Variants in CTSV observed in about 807,000 individuals in gnomAD.
CTSV encodes the protein cathepsin L2.
A neutral mutation model predicts 35.6 loss-of-function variants in CTSV; 33 were observed. The observed-to-expected ratio is 0.93, with a 90% CI of 0.70 to 1.24. The LOEUF (loss-of-function observed/expected upper bound fraction) is 1.24, where lower values mean the gene tolerates loss of function less well. CTSV is among the 50% of genes most tolerant of loss of function. The pLI is 0.00. For synonymous variants in CTSV, 154 were observed against 147.1 expected (o/e 1.05, Z -0.34); for missense variants, 408 against 413.1 (o/e 0.99, Z 0.11).
Position 97,037,920 on chromosome 9 carries a change from C to T in CTSV, c.124G>A (p.Ala42Thr), listed in dbSNP as rs181074991. The T allele has an allele frequency of 4.1e-5, 66 of 1,613,948 alleles. 1 individual carries two copies. In the East Asian group the frequency reaches 1.1e-3, roughly 27 times the overall value. ...WKATHRRLYGANEEGWRRAVW... is the reference protein window; with the variant it reads ...WKATHRRLYGTNEEGWRRAVW... ...GGACAGTTTCAGATGTTACCAACCG[C>T]GCCATATAATCTTCTGTGTGTTGCC... Residue 42 changes from alanine to threonine, a missense_variant and splice_region_variant, in exon 2 of 8, where the codon GCG becomes ACG. Coordinates refer to ENST00000259470, the MANE Select transcript of CTSV (RefSeq NM_001333.4).
In CTSV at chr9:97,037,980, C is replaced by T; in HGVS notation, c.64G>A (p.Asp22Asn). The change falls in exon 2 of 8, where the codon GAC (aspartate) becomes AAC (asparagine). Residue 22 changes from aspartate (D) to asparagine (N), a missense_variant. By Grantham distance (23) the Asp-to-Asn change is conservative. Transcript: ENST00000259470. ...LGIASAVPKF[D>N]QNLDTKWYQW... ...TACCACTTTGTATCCAAATTTTGGT[C>T]AAATTTTGGAACAGCGGAGGCTATT... The T allele has an allele frequency of 1.9e-6, 3 of 1,613,974 alleles. No individual in the cohort carries two copies. The highest frequency in any genetic ancestry group is 2.5e-6 in the Non-Finnish European group (3 of 1,180,002).
At position 97,030,980 on chromosome 9, in the gene CTSV, A is replaced by G. The variant is rs892857560; in HGVS notation, c.*1969T>C. On this transcript the variant is annotated 3_prime_UTR_variant, in exon 8 of 8. Coordinates refer to ENST00000259470, the MANE Select transcript of CTSV (RefSeq NM_001333.4). ...GAAAAACGCTTTTAGACAACACATC[A>G]GGTTTGTAACTTTTCACAAGTTTAA... The G allele has an allele frequency of 6.6e-6, 1 of 152,232 alleles. No individual in the cohort carries two copies. The highest frequency in any genetic ancestry group is 1.5e-5 in the Non-Finnish European group (1 of 68,036). 9.4% of individuals were successfully genotyped at this position (152,232 alleles called of 1,614,324 possible). A position where few individuals can be genotyped will look rare whatever the true frequency, so the allele number is the denominator to read the frequency against.
chr9:97,031,749 G>C lies in CTSV; in HGVS notation c.*1200C>G, dbSNP rs1384540306. On this transcript the variant is annotated 3_prime_UTR_variant, in exon 8 of 8. Coordinates refer to ENST00000259470, the MANE Select transcript of CTSV (RefSeq NM_001333.4). The stretch of plus-strand genomic sequence containing the variant: ...GTGATCTCTTATCCATCTTCGGCCA[G>C]AGGCCTCTTTTTGTAGCCCAGCCTC... 6.6e-6 allele frequency: 1 copy of C among 152,230 alleles called. No homozygotes were observed. Among genetic ancestry groups the C allele is most frequent in the Non-Finnish European group, 1.5e-5 (1 of 68,050 alleles). 9.4% of individuals were successfully genotyped at this position (152,230 alleles called of 1,614,324 possible). A position where few individuals can be genotyped will look rare whatever the true frequency, so the allele number is the denominator to read the frequency against.
chr9:97,032,889 C>G lies in CTSV; in HGVS notation c.*60G>C. On this transcript the variant is annotated 3_prime_UTR_variant, in exon 8 of 8. Coordinates refer to ENST00000259470, the MANE Select transcript of CTSV (RefSeq NM_001333.4). ...TACACAATAAGCGTTTGGTCAGTTT[C>G]AAGATAAAATTTCCCCAGACATGCT... 8.2e-7 allele frequency: 1 copy of G among 1,224,854 alleles called. No individual in the cohort carries two copies. The highest frequency in any genetic ancestry group is 2.2e-5 in the Admixed American group (1 of 46,386). The allele number at this position is 1,224,854 out of a possible 1,614,324, so 75.9% of individuals were successfully genotyped here. A position where few individuals can be genotyped will look rare whatever the true frequency, so the allele number is the denominator to read the frequency against.
At chr9:97,036,832 T>TTA (rs1828860979) in intron 4 of CTSV, 85 bp from the exon 5 acceptor site, 2 of 892,790 alleles carry the variant, frequency 2.2e-6, no homozygotes, top group Non-Finnish European at 3.1e-6. Flanking sequence ...TAATATTCTT[T>TTA]AAAAAAAAAA....
In CTSV at chr9:97,032,586, T is replaced by G. The variant is rs2119226562; in HGVS notation, c.*363A>C. On this transcript the variant is annotated 3_prime_UTR_variant, in exon 8 of 8. Coordinates refer to ENST00000259470, the MANE Select transcript of CTSV (RefSeq NM_001333.4). ...CCTAACATACCATTGGCACATGAAGTTATTATTTCAGAGCTTAATTATATT... is the reference window on the plus strand; with the variant it reads ...CCTAACATACCATTGGCACATGAAGGTATTATTTCAGAGCTTAATTATATT... 5.9e-6 allele frequency: 1 copy of G among 169,672 alleles called. No homozygotes were observed. Among genetic ancestry groups the G allele is most frequent in the South Asian group, 2.0e-4 (1 of 5,124 alleles). The allele number at this position is 169,672 out of a possible 1,614,324, so 10.5% of individuals were successfully genotyped here.
Position 97,036,073 on chromosome 9 carries a change from A to ATT in CTSV, c.622-382_622-381dup, listed in dbSNP as rs35372861. Among the ~76,000 whole-genome samples the ATT allele has an allele frequency of 9.4e-3, 1,349 of 144,172 alleles. 23 individuals carry two copies. Among genetic ancestry groups the ATT allele is most frequent in the African/African-American group, 0.032 (1,249 of 39,414 alleles). The allele number at this position is 144,172 out of a possible 152,430, so 94.6% of individuals were successfully genotyped here. A position where few individuals can be genotyped will look rare whatever the true frequency, so the allele number is the denominator to read the frequency against. ...CCAGAGAACTGTGCAAAGGCTAATAATTTTTTTTTTTTTTTGAGATGGAGT... is the reference window on the plus strand; with the variant it reads ...CCAGAGAACTGTGCAAAGGCTAATAATTTTTTTTTTTTTTTTTGAGATGGAGT... On this transcript the variant is annotated intron_variant, in intron 5 of 7. Transcript: ENST00000259470.
rs2119224079 is a variant in CTSV, at chr9:97,031,183, G to A, written c.*1766C>T. The A allele has an allele frequency of 6.6e-6, 1 of 152,278 alleles. No homozygotes were observed. 9.4% of individuals were successfully genotyped at this position (152,278 alleles called of 1,614,324 possible). On this transcript the variant is annotated 3_prime_UTR_variant, in exon 8 of 8. Transcript: ENST00000259470. ...GCCTGGGTTGTTGTTCCAAGAATCT[G>A]TGGAGAGTACCAACTTAGCCTGCTG...
intron 4 of CTSV, among the ~76,000 whole-genome samples, chr9:97,037,010 G>A (rs1828863788): frequency 6.6e-6 from 1 of 152,020 alleles, no homozygotes; most frequent in Non-Finnish European, 1.5e-5. Context: ...GGGAGGTGGA[G>A]GCAGGAGAAT....
chr9:97,037,949 C>T lies in CTSV; in HGVS notation c.95G>A (p.Trp32Ter), dbSNP rs776070770. The T allele has an allele frequency of 3.1e-6, 5 of 1,614,006 alleles. No individual in the cohort carries two copies. Among genetic ancestry groups the T allele is most frequent in the Non-Finnish European group, 2.5e-6 (3 of 1,180,018 alleles). The change falls in exon 2 of 8, where the codon TGG becomes TAG. Residue 32 changes from tryptophan (W) to a stop codon, truncating the protein, a stop_gained. Coordinates refer to ENST00000259470, the MANE Select transcript of CTSV (RefSeq NM_001333.4). LOFTEE classifies it high-confidence loss of function. Reference sequence around the variant, plus strand: ...ATATAATCTTCTGTGTGTTGCCTTCCACTGGTACCACTTTGTATCCAAATT... The same window carrying T: ...ATATAATCTTCTGTGTGTTGCCTTCTACTGGTACCACTTTGTATCCAAATT... The part of the protein sequence containing the change: ...DQNLDTKWYQ[W>*]KATHRRLYGA...
At position 97,035,581 on chromosome 9, in the gene CTSV, G is replaced by C. The variant is rs1828832992; in HGVS notation, c.734C>G (p.Pro245Arg). The change falls in exon 6 of 8, where the codon CCC becomes CGC. Residue 245 changes from proline to arginine, a missense_variant. Transcript: ENST00000259470. ...ALMKAVATVG[P>R]ISVAMDAGHS... ...GCCTGCATCCATAGCAACGGAGATG[G>C]GCCCCACAGTTGCGACTGCTTTCAT... is the stretch of plus-strand genomic sequence containing the variant. The C allele has an allele frequency of 6.3e-7, 1 of 1,597,940 alleles. No homozygotes were observed. The highest frequency in any genetic ancestry group is 8.5e-7 in the Non-Finnish European group (1 of 1,170,626).
At position 97,031,902 on chromosome 9, in the gene CTSV, G is replaced by A. The variant is rs1402908631; in HGVS notation, c.*1047C>T. On this transcript the variant is annotated 3_prime_UTR_variant, in exon 8 of 8. Coordinates refer to ENST00000259470, the MANE Select transcript of CTSV (RefSeq NM_001333.4). The stretch of plus-strand genomic sequence containing the variant: ...TTTCTAGAAGAGCTAGGTGGAATAT[G>A]TCATCAGAGACTTGGAATGAAAACA... 6.6e-6 allele frequency: 1 copy of A among 152,214 alleles called. No individual in the cohort carries two copies. Among genetic ancestry groups the A allele is most frequent in the Non-Finnish European group, 1.5e-5 (1 of 68,036 alleles). The allele number at this position is 152,214 out of a possible 1,614,324, so 9.4% of individuals were successfully genotyped here. A position where few individuals can be genotyped will look rare whatever the true frequency, so the allele number is the denominator to read the frequency against.
chr9:97,032,833 T>C lies in CTSV; in HGVS notation c.*116A>G. Reference sequence around the variant, plus strand: ...AATGTCACAGAATTAAAATCTCAACTTGGATCCTCAATGATTCAACTGGTT... The same window carrying C: ...AATGTCACAGAATTAAAATCTCAACCTGGATCCTCAATGATTCAACTGGTT... On this transcript the variant is annotated 3_prime_UTR_variant, in exon 8 of 8. Transcript: ENST00000259470. The C allele has an allele frequency of 1.6e-6, 1 of 614,656 alleles. No homozygotes were observed. Among genetic ancestry groups the C allele is most frequent in the East Asian group, 2.8e-5 (1 of 36,008 alleles). The allele number at this position is 614,656 out of a possible 1,614,324, so 38.1% of individuals were successfully genotyped here.
chr9:97,039,415 T>TA (rs1383191126), upstream of CTSV: 1 of 152,396 alleles, frequency 6.6e-6, no homozygotes, highest in African/African-American at 2.4e-5. Context: ...TATCCCGACT[T>TA]ACTGCGCTGA....
chr9:97,032,953 A>G lies in CTSV; in HGVS notation c.1001T>C (p.Val334Ala), dbSNP rs1214549078. ...TCCTCCTCACCATCCATCAGCTCACACATTGGGGTAGCTGGCTGCTGTGGC... is the reference window on the plus strand; with the variant it reads ...TCCTCCTCACCATCCATCAGCTCACGCATTGGGGTAGCTGGCTGCTGTGGC... ...GIATAASYPNV is the reference protein window; with the variant it reads ...GIATAASYPNA The change falls in exon 8 of 8, where the codon GTG becomes GCG. Residue 334 changes from valine to alanine, a missense_variant. Val to Ala is a moderately conservative substitution (Grantham distance 64). Transcript: ENST00000259470. 5 of 1,609,404 alleles carry G rather than the reference A, an allele frequency of 3.1e-6. No individual in the cohort carries two copies. In the Admixed American group the frequency reaches 6.7e-5, roughly 22 times the overall value.
intron 1 of CTSV, among the ~76,000 whole-genome samples, chr9:97,038,779 C>T (rs1828902788): frequency 6.6e-6 from 1 of 152,180 alleles, no homozygotes; most frequent in Non-Finnish European, 1.5e-5. Flanking sequence ...ATGTTTGCGG[C>T]GGTGCAGGGA....
chr9:97,037,720 G>A, intron 2 of CTSV, 105 bp from the exon 3 acceptor site: 1 of 1,501,824 alleles, frequency 6.7e-7, no homozygotes, highest in Non-Finnish European at 9.1e-7. Context: ...GGCCAGGGAT[G>A]GGTTGATACT....
chr9:97,038,895 G>A (rs976492633), intron 1 of CTSV, among the ~76,000 whole-genome samples, 176 bp downstream of exon 1: 12 of 152,138 alleles, frequency 7.9e-5, no homozygotes, highest in African/African-American at 2.7e-4. Flanking sequence ...CAGTGGTGCC[G>A]GCGCCTCCCT....
rs966972518 is a variant in CTSV, at chr9:97,032,447, A to T, written c.*502T>A. Reference sequence around the variant, plus strand: ...TTTGTCCTTCCAAATTGTTTATCAAATTTTGGTAGATTCAGGAGTTGGGTA... The same window carrying T: ...TTTGTCCTTCCAAATTGTTTATCAATTTTTGGTAGATTCAGGAGTTGGGTA... On this transcript the variant is annotated 3_prime_UTR_variant, in exon 8 of 8. Transcript: ENST00000259470. 1 of 152,358 alleles carries T rather than the reference A, an allele frequency of 6.6e-6. No individual in the cohort carries two copies. Among genetic ancestry groups the T allele is most frequent in the Non-Finnish European group, 1.5e-5 (1 of 68,190 alleles). The allele number at this position is 152,358 out of a possible 1,614,324, so 9.4% of individuals were successfully genotyped here. A position where few individuals can be genotyped will look rare whatever the true frequency, so the allele number is the denominator to read the frequency against.
Sources: allele counts gnomAD v4.1 joint callset (sites outside exome capture counted in the v4.1 genomes callset), GRCh38; gene constraint gnomAD v4.1.1; transcripts MANE v1.5; gene names NCBI Gene and HGNC (gene_info 2026-07-23, HGNC 2026-07-21).